Variants in EPHA8 observed in about 807,000 individuals in gnomAD.
EPHA8 encodes the protein EPH receptor A8, also known as ephrin type-A receptor 8.
EPHA8 carries 58 observed loss-of-function variants against 103.6 expected under a neutral mutation model. The observed-to-expected ratio is 0.56, with a 90% CI of 0.45 to 0.70. The LOEUF is 0.70. Ranked by LOEUF, EPHA8 falls within the 30% of genes least tolerant of loss-of-function variation. EPHA8 has a pLI of 0.00. For missense variants in EPHA8, 1,304 were observed against 1,395.2 expected (o/e 0.93, Z 1.04); for synonymous variants, 559 against 572.5 (o/e 0.98, Z 0.34).
intron 1 of EPHA8, among the ~76,000 whole-genome samples, chr1:22,564,286 G>T (rs936862375): frequency 6.6e-6 from 1 of 151,658 alleles, no homozygotes; most frequent in Non-Finnish European, 1.5e-5. Flanking sequence ...AGGCAGGAAG[G>T]AGGGGTGCGG....
rs1641800419 is a variant in EPHA8, at chr1:22,603,595, G to C, written c.*1854G>C. The C allele has an allele frequency of 6.6e-6, 1 of 152,380 alleles. No homozygotes were observed. Among genetic ancestry groups the C allele is most frequent in the African/African-American group, 2.4e-5 (1 of 41,378 alleles). 9.4% of individuals were successfully genotyped at this position (152,380 alleles called of 1,614,324 possible). On this transcript the variant is annotated 3_prime_UTR_variant, in exon 17 of 17. Coordinates refer to ENST00000166244, the MANE Select transcript of EPHA8 (RefSeq NM_020526.5). ...TAAGAATAAATTCTGCCTCATCTTT[G>C]CCTGCGTCCCCCATTTTTTCCCCAT...
Position 22,597,511 on chromosome 1 carries a change from T to TGGGGCAAGGTGGGGGCACCC in EPHA8, c.1930+36_1930+55dup. On this transcript the variant is annotated intron_variant, in intron 10 of 16. Transcript: ENST00000166244. This position sits in a 1 kb window ranked among gnomAD's most constrained non-coding sequence, Gnocchi z 4.6. ...AGGGGTTGTGAGGGCGGGGCCAGCA[T>TGGGGCAAGGTGGGGGCACCC]GGGGCAAGGTGGGGGCACCCAGGGC... 6.3e-7 allele frequency: 1 copy of TGGGGCAAGGTGGGGGCACCC among 1,596,446 alleles called. No individual in the cohort carries two copies. The highest frequency in any genetic ancestry group is 8.5e-7 in the Non-Finnish European group (1 of 1,170,076).
rs755696598 is a variant in EPHA8, at chr1:22,589,310, T to C, written c.1315+104T>C. 1.4e-5 allele frequency: 22 copies of C among 1,611,808 alleles called. No homozygotes were observed. Among genetic ancestry groups the C allele is most frequent in the Non-Finnish European group, 1.9e-5 (22 of 1,179,524 alleles). On this transcript the variant is annotated intron_variant, in intron 5 of 16. Transcript: ENST00000166244. This position sits in a 1 kb window ranked among gnomAD's most constrained non-coding sequence, Gnocchi z 4.3. Reference sequence around the variant, plus strand: ...CTGCCGGGGACGTGCTGTGGGCCTTTAGGCAAGTGCCTCTCTGGCCCTGCG... The same window carrying C: ...CTGCCGGGGACGTGCTGTGGGCCTTCAGGCAAGTGCCTCTCTGGCCCTGCG...
Position 22,588,980 on chromosome 1 carries a change from T to C in EPHA8, c.1089T>C (p.Asn363=), listed in dbSNP as rs751160735. The C allele has an allele frequency of 9.9e-6, 16 of 1,613,228 alleles. No homozygotes were observed. The highest frequency in any genetic ancestry group is 1.3e-5 in the African/African-American group (1 of 74,932). Residue 363 remains asparagine (N), a synonymous_variant, in exon 5 of 17, where the codon AAT becomes AAC. Coordinates refer to ENST00000166244, the MANE Select transcript of EPHA8 (RefSeq NM_020526.5). ...GTGGCCGCAGTGACATCACCTACAATGCCGTGTGCCGCCGCTGCCCCTGGG... is the reference window on the plus strand; with the variant it reads ...GTGGCCGCAGTGACATCACCTACAACGCCGTGTGCCGCCGCTGCCCCTGGG... ...DPGGRSDITY[N]AVCRRCPWAL...
rs1640413516 is a variant in EPHA8, at chr1:22,567,878, G to A, written c.95-1411G>A. Among the ~76,000 whole-genome samples the A allele has an allele frequency of 1.3e-5, 2 of 152,282 alleles. No individual in the cohort carries two copies. The highest frequency in any genetic ancestry group is 6.5e-5 in the Admixed American group (1 of 15,302). On this transcript the variant is annotated intron_variant, in intron 1 of 16. Transcript: ENST00000166244. This position sits in a 1 kb window ranked among gnomAD's most constrained non-coding sequence, Gnocchi z 4.2. The stretch of plus-strand genomic sequence containing the variant: ...GGGAGAAGGGGTCATGGAAGGCAGA[G>A]TGAAAGGGAAAGCTGTGGGACTCTG...
Position 22,576,340 on chromosome 1 carries a change from C to T in EPHA8, c.283C>T (p.Arg95Trp), listed in dbSNP as rs751977374. The T allele has an allele frequency of 7.8e-5, 126 of 1,613,642 alleles. No individual in the cohort carries two copies. Among genetic ancestry groups the T allele is most frequent in the Middle Eastern group, 3.3e-4 (2 of 6,084 alleles). ...GAGCTGGGTCCCCCGAGACGGCGCC[C>T]GGCGCGTCTATGCTGAGATCAAGTT... ...RTSWVPRDGA[R>W]RVYAEIKFTL... Residue 95 changes from arginine (R) to tryptophan (W), a missense_variant, in exon 3 of 17, where the codon CGG becomes TGG. By Grantham distance (101) the Arg-to-Trp change is moderately radical. Transcript: ENST00000166244. The surrounding 1 kb of genome is among the most constrained non-coding windows in gnomAD (Gnocchi z 4.8).
rs1205933464 is a variant in EPHA8 at position 22,567,295 on chromosome 1, A to G, written c.95-1994A>G. Among the ~76,000 whole-genome samples, 2 of 152,004 alleles carry G rather than the reference A, an allele frequency of 1.3e-5. No homozygotes were observed. Among genetic ancestry groups the G allele is most frequent in the East Asian group, 1.9e-4 (1 of 5,160 alleles). On this transcript the variant is annotated intron_variant, in intron 1 of 16. Transcript: ENST00000166244. This position sits in a 1 kb window ranked among gnomAD's most constrained non-coding sequence, Gnocchi z 4.2. ...GTGTCCTTCCCTCACCATCTCCCCAAACTCGGCTTTGCTGGTCTGGGGGAA... is the reference window on the plus strand; with the variant it reads ...GTGTCCTTCCCTCACCATCTCCCCAGACTCGGCTTTGCTGGTCTGGGGGAA...
At chr1:22,595,114 C>G in intron 7 of EPHA8, 116 bp from the exon 8 acceptor site, 1 of 771,436 alleles carries the variant, frequency 1.3e-6, no homozygotes, top group Non-Finnish European at 2.0e-6. Flanking sequence ...GCTCATGGCT[C>G]TGGGCTCCCC....
chr1:22,601,222 C>A, intron 15 of EPHA8, 78 bp from the exon 16 acceptor site: 1 of 1,541,088 alleles, frequency 6.5e-7, no homozygotes. Flanking sequence ...CCTGCCGAAC[C>A]CCTTCCTCAG....
Position 22,567,794 on chromosome 1 carries a change from C to A in EPHA8, c.95-1495C>A, listed in dbSNP as rs1242908996. 1.3e-5 allele frequency among the ~76,000 whole-genome samples: 2 copies of A among 152,314 alleles called. No homozygotes were observed. The highest frequency in any genetic ancestry group is 3.4e-3 in the Middle Eastern group (1 of 294). On this transcript the variant is annotated intron_variant, in intron 1 of 16. Transcript: ENST00000166244. This position sits in a 1 kb window ranked among gnomAD's most constrained non-coding sequence, Gnocchi z 4.2. Reference sequence around the variant, plus strand: ...AGTTCCAGGAGAGCTCCACCTTTAACCCCCGTCACCTGCCCAAGCCCGCTG... The same window carrying A: ...AGTTCCAGGAGAGCTCCACCTTTAAACCCCGTCACCTGCCCAAGCCCGCTG...
chr1:22,599,023 C>T lies in EPHA8; in HGVS notation c.2364C>T (p.Asp788=), dbSNP rs566956335. 123 of 1,608,784 alleles carry T rather than the reference C, an allele frequency of 7.6e-5. No homozygotes were observed. The highest frequency in any genetic ancestry group is 1.0e-4 in the Non-Finnish European group (119 of 1,178,224). Reference sequence around the variant, plus strand: ...GGCTCTCACGGGTGCTGGAGGACGACCCGGATGCTGCCTACACCACCACGG... The same window carrying T: ...GGCTCTCACGGGTGCTGGAGGACGATCCGGATGCTGCCTACACCACCACGG... ...DFGLSRVLED[D]PDAAYTTTGG... is the part of the protein sequence containing the mutation. Residue 788 remains aspartate, a synonymous_variant, in exon 13 of 17, where the codon GAC becomes GAT. Coordinates refer to ENST00000166244, the MANE Select transcript of EPHA8 (RefSeq NM_020526.5).
At chr1:22,577,859 T>C (rs1640763403) in intron 3 of EPHA8, among the ~76,000 whole-genome samples, 1 of 125,264 alleles carries the variant, frequency 8.0e-6, no homozygotes. Context: ...TGCATGCGTA[T>C]GTATGCATTG....
intron 13 of EPHA8, 49 bp downstream of exon 13, chr1:22,599,096 C>T (rs560764111): frequency 1.7e-5 from 26 of 1,537,758 alleles, no homozygotes; most frequent in Middle Eastern, 1.8e-4. Flanking sequence ...GGGGAGATGG[C>T]GCCGGTGGCA....
At position 22,576,872 on chromosome 1, in the gene EPHA8, C is replaced by A; in HGVS notation, c.815C>A (p.Ala272Asp). The A allele has an allele frequency of 6.3e-7, 1 of 1,588,616 alleles. No homozygotes were observed. The highest frequency in any genetic ancestry group is 8.6e-7 in the Non-Finnish European group (1 of 1,165,098). Residue 272 changes from alanine (A) to aspartate (D), a missense_variant, in exon 3 of 17, where the codon GCC becomes GAC. Physicochemically the swap from Ala to Asp is moderately radical, Grantham distance 126. Transcript: ENST00000166244. The surrounding 1 kb of genome is among the most constrained non-coding windows in gnomAD (Gnocchi z 4.8). ...CSAGYEERRD[A>D]CVACELGFYK... ...GCCGGCTACGAGGAGCGGCGGGATG[C>A]CTGTGTGGGTGAGCGCGCCATGGCC...
intron 13 of EPHA8, 152 bp downstream of exon 13, chr1:22,599,199 G>T: frequency 1.3e-6 from 1 of 799,054 alleles, no homozygotes; most frequent in East Asian, 2.7e-5. Flanking sequence ...TCCTCTTCAC[G>T]CCAGTGCCTT....
At chr1:22,579,756 A>T (rs2148239006) in intron 3 of EPHA8, among the ~76,000 whole-genome samples, 1 of 152,286 alleles carries the variant, frequency 6.6e-6, no homozygotes, top group East Asian at 1.9e-4. Flanking sequence ...GGATGTTTAT[A>T]TGCAGGGATC....
intron 4 of EPHA8, 85 bp downstream of exon 4, chr1:22,586,720 C>G: frequency 6.6e-7 from 1 of 1,520,010 alleles, no homozygotes; most frequent in South Asian, 1.2e-5. Context: ...CTCAGAGAGC[C>G]AGTTCTCTGC....
chr1:22,584,997 G>A (rs936055243), intron 3 of EPHA8, among the ~76,000 whole-genome samples: 22 of 151,842 alleles, frequency 1.4e-4, no homozygotes, highest in Non-Finnish European at 3.2e-4. Flanking sequence ...AGCAGGGGCC[G>A]CAGGAGCAGG....
Position 22,586,537 on chromosome 1 carries a change from C to A in EPHA8, c.881C>A (p.Pro294His), listed in dbSNP as rs1641212841. 2 of 1,613,830 alleles carry A rather than the reference C, an allele frequency of 1.2e-6. No individual in the cohort carries two copies. The highest frequency in any genetic ancestry group is 1.7e-6 in the Non-Finnish European group (2 of 1,179,934). Residue 294 changes from proline (P) to histidine (H), a missense_variant, in exon 4 of 17, where the codon CCT (proline) becomes CAT (histidine). Physicochemically the swap from Pro to His is moderately conservative, Grantham distance 77. Coordinates refer to ENST00000166244, the MANE Select transcript of EPHA8 (RefSeq NM_020526.5). ...APGDQLCARC[P>H]PHSHSAAPAA... The stretch of plus-strand genomic sequence containing the variant: ...GGGGACCAGCTGTGTGCCCGCTGCC[C>A]TCCCCACAGCCACTCCGCAGCTCCA...
Sources: allele counts gnomAD v4.1 joint callset (sites outside exome capture counted in the v4.1 genomes callset), GRCh38; gene constraint gnomAD v4.1.1; non-coding constraint Gnocchi (gnomAD v3.1); transcripts MANE v1.5; gene names NCBI Gene and HGNC (gene_info 2026-07-23, HGNC 2026-07-21).